The following TENM4 variants were observed in gnomAD, a reference collection of about 807,000 sequenced individuals.
TENM4 encodes teneurin transmembrane protein 4, also known as teneurin-4.
A neutral mutation model predicts 243.3 loss-of-function variants in TENM4; 82 were observed. The observed-to-expected ratio is 0.34, with a 90% CI of 0.28 to 0.40. The LOEUF is 0.40. TENM4 is among the 10% of genes least tolerant of loss of function. The probability of loss-of-function intolerance (pLI) is 1.00; values close to 1 mark genes in which losing one functional copy is unlikely to be tolerated. For synonymous variants in TENM4, 1,412 were observed against 1,456.3 expected (o/e 0.97, Z 0.69); for missense variants, 3,138 against 3,673.3 (o/e 0.85, Z 3.77).
intron 3 of TENM4, among the ~76,000 whole-genome samples, chr11:79,150,007 G>C (rs1387171701): frequency 6.6e-6 from 1 of 152,130 alleles, no homozygotes; most frequent in Non-Finnish European, 1.5e-5. Flanking sequence ...CACCTAGGCA[G>C]GTAGAGGTGG....
intron 10 of TENM4, among the ~76,000 whole-genome samples, chr11:78,860,037 G>C (rs753335683): frequency 1.3e-5 from 2 of 152,208 alleles, no homozygotes; most frequent in Non-Finnish European, 2.9e-5. Context: ...GCAGTTTCAT[G>C]TTATTCTCAA....
At chr11:79,149,417 A>G (rs773374143) in intron 3 of TENM4, among the ~76,000 whole-genome samples, 20 of 152,140 alleles carry the variant, frequency 1.3e-4, no homozygotes, top group Non-Finnish European at 2.8e-4. Flanking sequence ...TGTCTTGGCT[A>G]TATTCCACAA....
At chr11:79,275,944 G>T (rs1405422712) in intron 2 of TENM4, among the ~76,000 whole-genome samples, 3 of 152,186 alleles carry the variant, frequency 2.0e-5, no homozygotes, top group Admixed American at 6.5e-5. Flanking sequence ...ATTTCTCTTT[G>T]GATCATATGG....
At position 78,701,960 on chromosome 11, in the gene TENM4, G is replaced by C; in HGVS notation, c.4653C>G (p.Tyr1551Ter). The C allele has an allele frequency of 6.2e-7, 1 of 1,614,022 alleles. No homozygotes were observed. The highest frequency in any genetic ancestry group is 8.5e-7 in the Non-Finnish European group (1 of 1,179,890). ...TTCGGATGTTCCCAAGGTCGGCCAC[G>C]TAGAGCTCCCCATCAGCACACACAG... The part of the protein sequence containing the change: ...SLAVCADGEL[Y>*]VADLGNIRIR... The change falls in exon 28 of 34, where the codon TAC becomes TAG. Residue 1551 changes from tyrosine (Y) to a stop codon, truncating the protein, a stop_gained. Coordinates refer to ENST00000278550, the MANE Select transcript of TENM4 (RefSeq NM_001098816.3). LOFTEE classifies it high-confidence loss of function.
Position 78,702,031 on chromosome 11 carries a change from C to T in TENM4, c.4582G>A (p.Asp1528Asn), listed in dbSNP as rs369707945. The change falls in exon 28 of 34, where the codon GAT becomes AAT. Residue 1528 changes from aspartate to asparagine, a missense_variant. This residue lies in a region of TENM4 where 2,467 missense variants were observed against 3,059.1 expected (regional missense o/e 0.81). Transcript: ENST00000278550. ...DANCDCFSGD[D>N]GYAKDAKLNT... ...AACTTTGCATCCTTGGCATAACCAT[C>T]GTCTCCAGAAAAACAATCACAGTTG... 98 of 1,613,796 alleles carry T rather than the reference C, an allele frequency of 6.1e-5. No individual in the cohort carries two copies. The highest frequency in any genetic ancestry group is 1.1e-4 in the East Asian group (5 of 44,884).
intron 1 of TENM4, among the ~76,000 whole-genome samples, chr11:79,372,271 C>G (rs1365661916): frequency 1.3e-5 from 2 of 152,160 alleles, no homozygotes; most frequent in Non-Finnish European, 2.9e-5. Flanking sequence ...ACAGTCAAGA[C>G]CCATATGATG....
At chr11:78,676,437 G>A in intron 29 of TENM4, 50 bp from the exon 30 acceptor site, 4 of 1,489,472 alleles carry the variant, frequency 2.7e-6, no homozygotes, top group Non-Finnish European at 3.6e-6. Context: ...AAGGTGGAGG[G>A]AGGTGTGAGG....
intron 9 of TENM4, among the ~76,000 whole-genome samples, chr11:78,871,092 A>C (rs1281422293): frequency 6.6e-6 from 1 of 152,092 alleles, no homozygotes; most frequent in Admixed American, 6.6e-5. Context: ...CTGGTTCCCA[A>C]GTCAAGAAAA....
chr11:79,203,116 CAT>C (rs1196606199), intron 3 of TENM4, among the ~76,000 whole-genome samples: 2 of 151,646 alleles, frequency 1.3e-5, no homozygotes, highest in Non-Finnish European at 2.9e-5. Flanking sequence ...TACAAAAAGA[CAT>C]ATAATAACAA....
chr11:79,226,752 C>T (rs114245442), intron 2 of TENM4, among the ~76,000 whole-genome samples: 1 of 152,184 alleles, frequency 6.6e-6, no homozygotes, highest in African/African-American at 2.4e-5. Context: ...AAAACAGGCT[C>T]TTGATTTTTC....
chr11:78,977,045 T>A (rs1247821349), intron 6 of TENM4, among the ~76,000 whole-genome samples: 1 of 152,206 alleles, frequency 6.6e-6, no homozygotes, highest in African/African-American at 2.4e-5. Context: ...AATAATGATA[T>A]GGACAAGGGC....
chr11:79,430,280 G>C (rs553370362), intron 1 of TENM4, among the ~76,000 whole-genome samples: 1 of 152,274 alleles, frequency 6.6e-6, no homozygotes, highest in African/African-American at 2.4e-5. Context: ...AAATGTTGAG[G>C]GGTTAATGGC....
chr11:79,245,938 T>TAA (rs1199883938), intron 2 of TENM4, among the ~76,000 whole-genome samples: 46 of 64,768 alleles, frequency 7.1e-4, no homozygotes, highest in South Asian at 1.7e-3. Flanking sequence ...AGACTTTGTC[T>TAA]AAAAAAAAAA....
At chr11:79,153,396 G>A (rs1051947811) in intron 3 of TENM4, among the ~76,000 whole-genome samples, 5 of 152,330 alleles carry the variant, frequency 3.3e-5, no homozygotes, top group Middle Eastern at 6.8e-3. Flanking sequence ...GCCAGGGGCA[G>A]AGCAGCAGAA....
intron 3 of TENM4, among the ~76,000 whole-genome samples, chr11:79,159,325 GTAGTATCTGATTTAATCTTACCCT>G (rs1862693268): frequency 2.0e-5 from 3 of 152,192 alleles, no homozygotes; most frequent in African/African-American, 7.2e-5. Flanking sequence ...CAGTTGGCAT[GTAGTATCTGATTTAATCTTACCCT>G]ACGCACTAGG....
chr11:78,989,672 G>A (rs17827434), intron 6 of TENM4, among the ~76,000 whole-genome samples: 2,624 of 152,104 alleles, frequency 0.017, 33 homozygotes, highest in Middle Eastern at 0.031. Context: ...CATTCCTTTC[G>A]TCCCAGGTAG....
intron 1 of TENM4, among the ~76,000 whole-genome samples, chr11:79,427,319 A>G (rs1859073791): frequency 6.6e-6 from 1 of 152,200 alleles, no homozygotes; most frequent in Non-Finnish European, 1.5e-5. Flanking sequence ...CTACATGAAA[A>G]TGTTGATCTC....
At chr11:79,417,556 G>T (rs753654156) in intron 1 of TENM4, among the ~76,000 whole-genome samples, 1 of 151,906 alleles carries the variant, frequency 6.6e-6, no homozygotes, top group Non-Finnish European at 1.5e-5. Context: ...GCTTCTAAAA[G>T]CTTGGCTTTG....
intron 1 of TENM4, among the ~76,000 whole-genome samples, chr11:79,331,079 C>T (rs909908500): frequency 1.3e-5 from 2 of 152,174 alleles, no homozygotes; most frequent in Non-Finnish European, 2.9e-5. Flanking sequence ...GATTTGCTTG[C>T]CCTCTTTAGG....
Sources: allele counts gnomAD v4.1 joint callset (sites outside exome capture counted in the v4.1 genomes callset), GRCh38; gene constraint gnomAD v4.1.1; regional missense constraint gnomAD v4.1.1; transcripts MANE v1.5; gene names NCBI Gene and HGNC (gene_info 2026-07-23, HGNC 2026-07-21).